Variants in CCDC93 observed in about 807,000 individuals in gnomAD.
The protein encoded by CCDC93 is coiled-coil domain-containing protein 93.
Under a neutral mutation model 108.2 loss-of-function variants are expected in CCDC93, and 61 were observed. That is an observed-to-expected ratio of 0.56 (90% CI 0.46 to 0.70). The LOEUF (loss-of-function observed/expected upper bound fraction) is 0.70, where lower values mean the gene tolerates loss of function less well. Ranked by LOEUF, CCDC93 falls within the 30% of genes least tolerant of loss-of-function variation. The pLI is 0.00. For missense variants in CCDC93, 685 were observed against 764.2 expected (o/e 0.90, Z 1.22); for synonymous variants, 276 against 260.4 (o/e 1.06, Z -0.58).
intron 23 of CCDC93, among the ~76,000 whole-genome samples, chr2:117,923,277 C>T (rs753537002): frequency 1.3e-4 from 20 of 152,222 alleles, no homozygotes; most frequent in Non-Finnish European, 2.5e-4. Flanking sequence ...TGCAAGACAG[C>T]GCGTGCAGTG....
At chr2:117,933,829 T>G (rs746695470) in intron 22 of CCDC93, among the ~76,000 whole-genome samples, 2 of 152,130 alleles carry the variant, frequency 1.3e-5, no homozygotes, top group Non-Finnish European at 2.9e-5. Context: ...GAACTGCTCT[T>G]TGACTCTGTT....
At chr2:117,935,903 C>T (rs989594480) in intron 21 of CCDC93, 17 of 203,118 alleles carry the variant, frequency 8.4e-5, no homozygotes, top group Non-Finnish European at 1.5e-4. Flanking sequence ...ATTTGAAATA[C>T]GGCATGTACT....
At chr2:117,999,502 T>A (rs561381148) in intron 4 of CCDC93, 12 of 152,260 alleles carry the variant, frequency 7.9e-5, no homozygotes, top group Admixed American at 3.9e-4. Flanking sequence ...AGATGGGAAG[T>A]AGTGTTCACA....
intron 23 of CCDC93, among the ~76,000 whole-genome samples, chr2:117,929,059 A>G (rs1263935229): frequency 2.0e-5 from 3 of 149,166 alleles, no homozygotes; most frequent in African/African-American, 4.9e-5. Context: ...GAATTGAACA[A>G]TGAAAACACA....
chr2:117,938,916 A>T, intron 20 of CCDC93, 113 bp downstream of exon 20: 4 of 602,800 alleles, frequency 6.6e-6, no homozygotes, highest in Non-Finnish European at 1.2e-5. Context: ...TAAAATAGGC[A>T]CTCTTTCTGC....
At chr2:117,950,121 T>G (rs1003096252) in intron 13 of CCDC93, 1 of 985,252 alleles carries the variant, frequency 1.0e-6, no homozygotes, top group African/African-American at 1.7e-5. Context: ...AAACAGTAGG[T>G]AGATCCCTTC....
chr2:117,941,945 G>A (rs1007777650), intron 18 of CCDC93, among the ~76,000 whole-genome samples: 1 of 151,982 alleles, frequency 6.6e-6, no homozygotes, highest in African/African-American at 2.4e-5. Context: ...GGCTCTGAGT[G>A]CTGCCTTTCT....
chr2:117,929,978 C>T (rs1025632142), intron 23 of CCDC93, among the ~76,000 whole-genome samples: 3 of 152,206 alleles, frequency 2.0e-5, no homozygotes, highest in Non-Finnish European at 2.9e-5. Context: ...CCCACCACAG[C>T]GTATGCTCCT....
intron 8 of CCDC93, 78 bp from the exon 9 acceptor site, chr2:117,975,358 A>G: frequency 9.4e-7 from 1 of 1,063,628 alleles, no homozygotes. Context: ...GACAAGAGGC[A>G]TGAGTCTGTG....
chr2:117,989,316 T>C (rs946331263), intron 6 of CCDC93, among the ~76,000 whole-genome samples: 13 of 152,126 alleles, frequency 8.5e-5, no homozygotes, highest in African/African-American at 2.4e-4. Flanking sequence ...TCCTCTATGA[T>C]CTTGGAGAGT....
chr2:117,931,797 G>A (rs1678343247), intron 22 of CCDC93: 1 of 152,166 alleles, frequency 6.6e-6, no homozygotes, highest in Admixed American at 6.5e-5. Context: ...GATATTTTCA[G>A]GATTTTGATC....
At chr2:117,953,683 TAA>T (rs942734574) in intron 12 of CCDC93, among the ~76,000 whole-genome samples, 2 of 127,316 alleles carry the variant, frequency 1.6e-5, no homozygotes, top group South Asian at 2.4e-4. Flanking sequence ...AGTGCCCTTA[TAA>T]AAGAGGCTCA....
intron 23 of CCDC93, among the ~76,000 whole-genome samples, chr2:117,929,251 AAAGTAT>A (rs1678239227): frequency 6.6e-6 from 1 of 152,236 alleles, no homozygotes; most frequent in Admixed American, 6.5e-5. Flanking sequence ...CCTAAAACTT[AAAGTAT>A]AATAAAAAAA....
chr2:117,974,011 G>A lies in CCDC93; in HGVS notation c.802-17C>T. The A allele has an allele frequency of 3.2e-6, 5 of 1,565,888 alleles. No individual in the cohort carries two copies. Among genetic ancestry groups the A allele is most frequent in the Non-Finnish European group, 3.5e-6 (4 of 1,141,952 alleles). On this transcript the variant is annotated splice_polypyrimidine_tract_variant and intron_variant, in intron 10 of 23. Transcript: ENST00000376300. ...GAGACGGCTCTGCAAGTATATGGAG[G>A]GAATGTTCTCAAGGCCAAGCCTTGT...
rs775370857 is a variant in CCDC93, at chr2:117,941,199, G to C, written c.1512C>G (p.Leu504=). The part of the protein sequence containing the change: ...LIQYQKRFIE[L]YRQISAVHKE... ...GGTCAATGCACCTACTCTGGCGGTA[G>C]AGTTCAATAAATCTCTTCTGATACT... Residue 504 remains leucine (L), a synonymous_variant, in exon 19 of 24, where the codon CTC becomes CTG. Coordinates refer to ENST00000376300, the MANE Select transcript of CCDC93 (RefSeq NM_019044.5). 1.9e-6 allele frequency: 3 copies of C among 1,611,100 alleles called. No individual in the cohort carries two copies. The highest frequency in any genetic ancestry group is 2.2e-5 in the East Asian group (1 of 44,854).
At chr2:117,928,821 T>G (rs1456123367) in intron 23 of CCDC93, among the ~76,000 whole-genome samples, 1 of 152,210 alleles carries the variant, frequency 6.6e-6, no homozygotes, top group African/African-American at 2.4e-5. Context: ...GTATGTTTAT[T>G]GCAGCACTAT....
At chr2:118,011,941 G>A (rs959908858) in intron 1 of CCDC93, among the ~76,000 whole-genome samples, 5 of 152,214 alleles carry the variant, frequency 3.3e-5, no homozygotes, top group African/African-American at 1.2e-4. Context: ...CTCTCTTGAA[G>A]CAATAAAAAT....
chr2:117,925,527 G>A (rs1678052221), intron 23 of CCDC93, among the ~76,000 whole-genome samples: 1 of 152,108 alleles, frequency 6.6e-6, no homozygotes, highest in Non-Finnish European at 1.5e-5. Flanking sequence ...CACAAAGAAG[G>A]CTATTACATA....
At chr2:117,933,086 CCTAGTT>C (rs1473334774) in intron 22 of CCDC93, among the ~76,000 whole-genome samples, 1 of 152,154 alleles carries the variant, frequency 6.6e-6, no homozygotes, top group Non-Finnish European at 1.5e-5. Flanking sequence ...GGGTTCAAAT[CCTAGTT>C]CTGCCACTCA....
Sources: gnomAD v4.1 joint callset for allele counts (sites outside exome capture counted in the v4.1 genomes callset) on GRCh38, gnomAD v4.1.1 for gene constraint, MANE v1.5 for transcripts, NCBI Gene and HGNC (gene_info 2026-07-23, HGNC 2026-07-21) for gene names.